GJA1: variants seen among roughly 807,000 people sequenced by gnomAD.
GJA1 encodes the protein gap junction protein alpha 1, also known as gap junction alpha-1 protein.
In GJA1, 9 loss-of-function variants were observed where a neutral mutation model predicts 31.0. The observed-to-expected ratio is 0.29, with a 90% CI of 0.17 to 0.51. The LOEUF (loss-of-function observed/expected upper bound fraction) is 0.51. Among genes scored for constraint, GJA1 ranks in the 20% least tolerant of loss-of-function variants. The pLI, the probability that GJA1 is intolerant of heterozygous loss-of-function variation, is 0.98. For missense variants in GJA1, 278 were observed against 468.8 expected, an observed-to-expected ratio of 0.59 and a Z score of 3.76; for synonymous variants, 186 against 180.1, an observed-to-expected ratio of 1.03 and a Z score of -0.26.
chr6:121,440,694 A>G (rs1220060378), intron 1 of GJA1, among the ~76,000 whole-genome samples: 1 of 147,228 alleles, frequency 6.8e-6, no homozygotes, highest in Non-Finnish European at 1.5e-5. Flanking sequence ...TGGAAGCCCC[A>G]TTTAATTCAT....
chr6:121,441,751 C>T (rs939906962), intron 1 of GJA1, among the ~76,000 whole-genome samples: 2 of 151,988 alleles, frequency 1.3e-5, no homozygotes, highest in Non-Finnish European at 2.9e-5. Flanking sequence ...ACTGATTACT[C>T]GGAGTATAGG....
intron 1 of GJA1, among the ~76,000 whole-genome samples, chr6:121,443,970 A>G (rs933263317): frequency 2.0e-5 from 3 of 152,242 alleles, no homozygotes; most frequent in African/African-American, 7.2e-5. Context: ...ATCATCACAT[A>G]GAAACTGTCT....
In GJA1 at chr6:121,449,173, A is replaced by G. The variant is rs1281232420; in HGVS notation, c.*1177A>G. On this transcript the variant is annotated 3_prime_UTR_variant, in exon 2 of 2. Coordinates refer to ENST00000282561, the MANE Select transcript of GJA1 (RefSeq NM_000165.5). ...ATGTAATCATTGATGCTTGAATGAT[A>G]GAATTTTAGTACTGTAAACAGGCTT... The G allele has an allele frequency of 6.0e-6, 1 of 167,100 alleles. No homozygotes were observed. Among genetic ancestry groups the G allele is most frequent in the African/African-American group, 2.4e-5 (1 of 41,480 alleles). 10.4% of individuals were successfully genotyped at this position (167,100 alleles called of 1,614,324 possible).
At chr6:121,444,277 C>CCTAA (rs1374614479) in intron 1 of GJA1, among the ~76,000 whole-genome samples, 1 of 152,176 alleles carries the variant, frequency 6.6e-6, no homozygotes, top group Non-Finnish European at 1.5e-5. Context: ...AATGACCCTT[C>CCTAA]CTAAGTAAAA....
chr6:121,439,442 AG>A (rs1251257621), intron 1 of GJA1, among the ~76,000 whole-genome samples: 1 of 152,224 alleles, frequency 6.6e-6, no homozygotes, highest in African/African-American at 2.4e-5. Context: ...AAGTAAGAGT[AG>A]GGGCAGAGGA....
chr6:121,445,015 T>C (rs1247496681), intron 1 of GJA1, among the ~76,000 whole-genome samples: 4 of 152,244 alleles, frequency 2.6e-5, no homozygotes, highest in African/African-American at 9.6e-5. Context: ...AATCTTCTTC[T>C]GGCTCTGTCT....
At chr6:121,441,892 G>C (rs1773799389) in intron 1 of GJA1, among the ~76,000 whole-genome samples, 2 of 152,168 alleles carry the variant, frequency 1.3e-5, no homozygotes. Flanking sequence ...ATTTACTGGA[G>C]GGGCAGAGGT....
At chr6:121,436,184 T>TGG (rs11333433) in intron 1 of GJA1, among the ~76,000 whole-genome samples, 3,180 of 29,754 alleles carry the variant, frequency 0.11, 223 homozygotes, top group Admixed American at 0.26. Context: ...ATTTGTTGGG[T>TGG]GGGGGGGGGG....
intron 1 of GJA1, among the ~76,000 whole-genome samples, chr6:121,439,870 C>T (rs116255186): frequency 2.6e-5 from 4 of 152,236 alleles, no homozygotes; most frequent in African/African-American, 7.2e-5. Flanking sequence ...AAGTTTGATA[C>T]ACTATAGTTA....
At chr6:121,441,521 T>A (rs1212581508) in intron 1 of GJA1, among the ~76,000 whole-genome samples, 1 of 152,142 alleles carries the variant, frequency 6.6e-6, no homozygotes, top group Non-Finnish European at 1.5e-5. Flanking sequence ...ATTTACTATA[T>A]CAAGTAGAGA....
At chr6:121,443,238 A>G (rs1773826823) in intron 1 of GJA1, among the ~76,000 whole-genome samples, 1 of 152,216 alleles carries the variant, frequency 6.6e-6, no homozygotes, top group Non-Finnish European at 1.5e-5. Context: ...GATTCATGGC[A>G]AAGTGAGCAA....
intron 1 of GJA1, among the ~76,000 whole-genome samples, chr6:121,440,191 A>G (rs1031326889): frequency 2.7e-5 from 4 of 150,864 alleles, no homozygotes; most frequent in African/African-American, 9.9e-5. Flanking sequence ...GGACAACCAC[A>G]CAGTTGTGTT....
chr6:121,441,511 A>T (rs1773780964), intron 1 of GJA1, among the ~76,000 whole-genome samples: 1 of 152,158 alleles, frequency 6.6e-6, no homozygotes, highest in Non-Finnish European at 1.5e-5. Context: ...TCAGGCAAAT[A>T]TTTACTATAT....
intron 1 of GJA1, among the ~76,000 whole-genome samples, chr6:121,443,101 G>A (rs1408379303): frequency 6.6e-6 from 1 of 152,150 alleles, no homozygotes; most frequent in Non-Finnish European, 1.5e-5. Flanking sequence ...CAGGGATTCT[G>A]TAAACATATA....
rs1582558698 is a variant in GJA1, at chr6:121,447,662, C to G, written c.815C>G (p.Ser272Cys). The G allele has an allele frequency of 6.2e-7, 1 of 1,613,976 alleles. No individual in the cohort carries two copies. The highest frequency in any genetic ancestry group is 1.3e-5 in the African/African-American group (1 of 75,020). Residue 272 changes from serine to cysteine, a missense_variant, in exon 2 of 2, where the codon TCC becomes TGC. By Grantham distance (112) the Ser-to-Cys change is moderately radical. This residue lies in a region of GJA1 where 172 missense variants were observed against 190.9 expected (regional missense o/e 0.90). Coordinates refer to ENST00000282561, the MANE Select transcript of GJA1 (RefSeq NM_000165.5). ...SQKYAYFNGC[S>C]SPTAPLSPMS... ...AAATATGCTTATTTCAATGGCTGCTCCTCACCAACCGCTCCCCTCTCGCCT... is the reference window on the plus strand; with the variant it reads ...AAATATGCTTATTTCAATGGCTGCTGCTCACCAACCGCTCCCCTCTCGCCT...
intron 1 of GJA1, among the ~76,000 whole-genome samples, chr6:121,444,734 G>GC (rs1045139428): frequency 6.6e-6 from 1 of 152,152 alleles, no homozygotes; most frequent in Non-Finnish European, 1.5e-5. Context: ...TCATTACTAA[G>GC]CTCCTGCAAA....
intron 1 of GJA1, among the ~76,000 whole-genome samples, chr6:121,438,493 CTTTCT>C (rs751610904): frequency 6.6e-6 from 1 of 152,132 alleles, no homozygotes; most frequent in Non-Finnish European, 1.5e-5. Flanking sequence ...GGGGTGCATT[CTTTCT>C]TTTCTTTTCT....
At chr6:121,437,114 C>A (rs1387292917) in intron 1 of GJA1, among the ~76,000 whole-genome samples, 1 of 152,178 alleles carries the variant, frequency 6.6e-6, no homozygotes, top group East Asian at 1.9e-4. Context: ...CTCCTGCCAT[C>A]TTAGCGTCTG....
chr6:121,445,026 A>T (rs773834684), intron 1 of GJA1, among the ~76,000 whole-genome samples: 1 of 152,234 alleles, frequency 6.6e-6, no homozygotes, highest in African/African-American at 2.4e-5. Flanking sequence ...GGCTCTGTCT[A>T]TAGCTAAATA....
Sources: gnomAD v4.1 joint callset for allele counts (sites outside exome capture counted in the v4.1 genomes callset) on GRCh38, gnomAD v4.1.1 for gene constraint, gnomAD v4.1.1 regional missense constraint, MANE v1.5 for transcripts, NCBI Gene and HGNC (gene_info 2026-07-23, HGNC 2026-07-21) for gene names.